The following EIF4E3 variants were observed in gnomAD, a reference collection of about 807,000 sequenced individuals.
The protein encoded by EIF4E3 is eukaryotic translation initiation factor 4E type 3.
EIF4E3 carries 26 observed loss-of-function variants against 31.7 expected under a neutral mutation model. The ratio of observed to expected loss-of-function variants is 0.82; its 90% CI spans 0.60 to 1.14. The LOEUF is 1.14. Ranked by LOEUF, EIF4E3 falls within the 50% of genes most tolerant of loss-of-function variation. EIF4E3 has a pLI of 0.00. For synonymous variants in EIF4E3, 128 were observed against 107.7 expected (o/e 1.19, Z -1.17); for missense variants, 304 against 270.9 (o/e 1.12, Z -0.86).
At position 71,696,908 on chromosome 3, in the gene EIF4E3, C is replaced by T. The variant is rs574870427; in HGVS notation, c.345-388G>A. ...ATTTTTTTTGTATTTTTAGTAGAGACGGGATTTCACTGTGTTAGCCAGGAT... is the reference window on the plus strand; with the variant it reads ...ATTTTTTTTGTATTTTTAGTAGAGATGGGATTTCACTGTGTTAGCCAGGAT... On this transcript the variant is annotated intron_variant, in intron 3 of 6. Transcript: ENST00000425534. 5.9e-5 allele frequency among the ~76,000 whole-genome samples: 9 copies of T among 151,616 alleles called. No homozygotes were observed. In the South Asian group the frequency reaches 1.7e-3, roughly 28 times the overall value.
chr3:71,733,446 G>A (rs1453776641), intron 1 of EIF4E3, among the ~76,000 whole-genome samples: 4 of 152,312 alleles, frequency 2.6e-5, no homozygotes, highest in South Asian at 2.1e-4. Flanking sequence ...CTGAGGAAGT[G>A]TATTGTGCTT....
At position 71,706,934 on chromosome 3, in the gene EIF4E3, A is replaced by G. The variant is rs530351842; in HGVS notation, c.249+3478T>C. The stretch of plus-strand genomic sequence containing the variant: ...GTATCCTGGCCAGTTCTTAAATACT[A>G]AGGACAATTTATCAGCTGTTATGGA... On this transcript the variant is annotated intron_variant, in intron 2 of 6. Coordinates refer to ENST00000425534, the MANE Select transcript of EIF4E3 (RefSeq NM_001134651.2). Among the ~76,000 whole-genome samples, 3 of 152,358 alleles carry G rather than the reference A, an allele frequency of 2.0e-5. No homozygotes were observed. The South Asian group carries it at 6.2e-4, about 32-fold the overall frequency.
the EIF4E3 span, among the ~76,000 whole-genome samples, chr3:71,664,095 T>C: frequency 4.5e-3 from 682 of 152,234 alleles, 9 homozygotes; most frequent in African/African-American, 0.016. Flanking sequence ...ACTCAGCTCC[T>C]TGTGGGCTAA....
At chr3:71,672,664 T>G (rs553845599), downstream of EIF4E3, among the ~76,000 whole-genome samples, 1 of 152,306 alleles carries the variant, frequency 6.6e-6, no homozygotes, top group South Asian at 2.1e-4. Context: ...AGCCCGGCCT[T>G]TGAAGTGGAA....
In EIF4E3 at chr3:71,693,697, C is replaced by T. The variant is rs148258440; in HGVS notation, c.472+178G>A. Among the ~76,000 whole-genome samples the T allele has an allele frequency of 8.3e-4, 127 of 152,226 alleles. 1 individual carries two copies. Among genetic ancestry groups the T allele is most frequent in the African/African-American group, 2.9e-3 (121 of 41,526 alleles). On this transcript the variant is annotated intron_variant, in intron 5 of 6. Transcript: ENST00000425534. ...AAATATGCATATGGACACAGACACA[C>T]ATATCTAACACTGAACACGAAAATC...
At chr3:71,708,403 T>A (rs557670749) in intron 2 of EIF4E3, among the ~76,000 whole-genome samples, 187 of 152,304 alleles carry the variant, frequency 1.2e-3, no homozygotes, top group Non-Finnish European at 2.2e-3. Flanking sequence ...TGTATGTGCG[T>A]ACCCTTGTCA....
chr3:71,697,354 G>A (rs191063201), intron 3 of EIF4E3, among the ~76,000 whole-genome samples: 73 of 152,252 alleles, frequency 4.8e-4, no homozygotes, highest in Non-Finnish European at 2.1e-4. Context: ...CATACAAGGC[G>A]TAATGACTGA....
intron 1 of EIF4E3, among the ~76,000 whole-genome samples, chr3:71,739,450 C>T (rs2108148601): frequency 6.6e-6 from 1 of 152,254 alleles, no homozygotes; most frequent in East Asian, 1.9e-4. Context: ...AATCCCAGTA[C>T]TTTGGGAGGC....
chr3:71,731,120 C>T (rs544935173), intron 1 of EIF4E3, among the ~76,000 whole-genome samples: 8 of 152,280 alleles, frequency 5.3e-5, no homozygotes, highest in Admixed American at 1.3e-4. Flanking sequence ...AGCCTCCTAA[C>T]GGGTCTCCCT....
chr3:71,667,646 A>G, the EIF4E3 span, among the ~76,000 whole-genome samples: 2 of 152,244 alleles, frequency 1.3e-5, no homozygotes, highest in Non-Finnish European at 2.9e-5. Context: ...GTGAACTCCC[A>G]TTCACAATTG....
intron 1 of EIF4E3, among the ~76,000 whole-genome samples, chr3:71,736,740 G>T (rs1270404609): frequency 6.6e-6 from 1 of 152,156 alleles, no homozygotes; most frequent in African/African-American, 2.4e-5. Context: ...ACATGTCATT[G>T]GACACTCATC....
intron 5 of EIF4E3, among the ~76,000 whole-genome samples, chr3:71,690,991 G>GGCGGA (rs2049056301): frequency 6.6e-6 from 1 of 152,128 alleles, no homozygotes; most frequent in African/African-American, 2.4e-5. Context: ...AGTTGAGAAC[G>GGCGGA]GCGGATGGAT....
chr3:71,741,412 A>T (rs1221912887), intron 1 of EIF4E3, among the ~76,000 whole-genome samples: 1 of 152,214 alleles, frequency 6.6e-6, no homozygotes, highest in Non-Finnish European at 1.5e-5. Flanking sequence ...AAAGAATATT[A>T]TTTGGAATGA....
chr3:71,745,573 A>G (rs2049863521), intron 1 of EIF4E3, among the ~76,000 whole-genome samples: 1 of 152,232 alleles, frequency 6.6e-6, no homozygotes, highest in South Asian at 2.1e-4. Flanking sequence ...ACCAAATAAG[A>G]GAGAAAGGAG....
intron 1 of EIF4E3, among the ~76,000 whole-genome samples, chr3:71,748,919 T>G (rs1052075872): frequency 6.6e-6 from 1 of 152,176 alleles, no homozygotes; most frequent in Non-Finnish European, 1.5e-5. Context: ...CACTCTTGAT[T>G]ATATAGACTG....
At chr3:71,741,935 C>A (rs535864515) in intron 1 of EIF4E3, among the ~76,000 whole-genome samples, 1 of 152,132 alleles carries the variant, frequency 6.6e-6, no homozygotes, top group East Asian at 1.9e-4. Context: ...AAAAAGAAAT[C>A]AAAAGGACAT....
intron 3 of EIF4E3, among the ~76,000 whole-genome samples, chr3:71,697,880 T>C (rs1307465839): frequency 2.6e-5 from 4 of 152,212 alleles, no homozygotes; most frequent in Non-Finnish European, 5.9e-5. Flanking sequence ...AACATGGAAG[T>C]GTAGACATCT....
At chr3:71,666,465 CA>C in the EIF4E3 span, among the ~76,000 whole-genome samples, 3,345 of 151,890 alleles carry the variant, frequency 0.022, 115 homozygotes, top group African/African-American at 0.077. Flanking sequence ...GCCTACCTCC[CA>C]AAAAAAGCCC....
At chr3:71,712,635 T>TGGGGGGGGGGGGGGGG (rs760932981) in intron 1 of EIF4E3, among the ~76,000 whole-genome samples, 2 of 59,326 alleles carry the variant, frequency 3.4e-5, no homozygotes, top group African/African-American at 6.3e-5. Flanking sequence ...TTGCGGGGGG[T>TGGGGGGGGGGGGGGGG]GGGCGGGGGA....
Sources: allele counts gnomAD v4.1 joint callset (sites outside exome capture counted in the v4.1 genomes callset), GRCh38; gene constraint gnomAD v4.1.1; transcripts MANE v1.5; gene names NCBI Gene and HGNC (gene_info 2026-07-23, HGNC 2026-07-21).